CERCAM: variants seen among roughly 807,000 people sequenced by gnomAD.
CERCAM encodes the protein cerebral endothelial cell adhesion molecule.
A neutral mutation model predicts 66.0 loss-of-function variants in CERCAM; 59 were observed. The ratio of observed to expected loss-of-function variants is 0.89; its 90% confidence interval spans 0.73 to 1.11. CERCAM has a LOEUF of 1.11. Among genes scored for constraint, CERCAM ranks in the 50% most tolerant of loss-of-function variants. The pLI is 0.00. For synonymous variants in CERCAM, 318 were observed against 343.6 expected (o/e 0.93, Z 0.83); for missense variants, 840 against 828.3 (o/e 1.01, Z -0.17).
rs1834105785 is a variant in CERCAM, at chr9:128,436,021, C to T, written c.*116C>T. 5.3e-6 allele frequency: 6 copies of T among 1,128,398 alleles called. No individual in the cohort carries two copies. In the South Asian group the frequency reaches 9.7e-5, roughly 18 times the overall value. The allele number at this position is 1,128,398 out of a possible 1,614,324, so 69.9% of individuals were successfully genotyped here. A position where few individuals can be genotyped will look rare whatever the true frequency, so the allele number is the denominator to read the frequency against. Reference sequence around the variant, plus strand: ...CTTCTCAGCCTTCTCTCTCCCTCTCCATCTCTAGCTTTGCCTTTATGTTTG... The same window carrying T: ...CTTCTCAGCCTTCTCTCTCCCTCTCTATCTCTAGCTTTGCCTTTATGTTTG... On this transcript the variant is annotated intron_variant, in intron 12 of 12. Transcript: ENST00000372838.
At position 128,435,737 on chromosome 9, in the gene CERCAM, C is replaced by G; in HGVS notation, c.1620C>G (p.Ala540=). Residue 540 remains alanine, a synonymous_variant, in exon 12 of 13, where the codon GCC becomes GCG. Transcript: ENST00000372838. The part of the protein sequence containing the change: ...QPLLAAPTHY[A]GDAEWLSDTE... ...TGCTCGCTGCCCCTACCCACTATGCCGGGGACGCCGAGTGGCTCAGTGACA... is the reference window on the plus strand; with the variant it reads ...TGCTCGCTGCCCCTACCCACTATGCGGGGGACGCCGAGTGGCTCAGTGACA... The G allele has an allele frequency of 6.2e-7, 1 of 1,613,520 alleles. No individual in the cohort carries two copies. Among genetic ancestry groups the G allele is most frequent in the African/African-American group, 1.3e-5 (1 of 75,046 alleles).
intron 2 of CERCAM, 53 bp from the exon 3 acceptor site, chr9:128,423,093 C>A: frequency 7.4e-7 from 1 of 1,356,650 alleles, no homozygotes; most frequent in South Asian, 1.3e-5. Flanking sequence ...CACTGCCCTG[C>A]AGAGAGGGAG....
intron 11 of CERCAM, among the ~76,000 whole-genome samples, chr9:128,435,072 C>A (rs1834076991): frequency 6.6e-6 from 1 of 152,206 alleles, no homozygotes; most frequent in Non-Finnish European, 1.5e-5. Context: ...TGGCTCACTG[C>A]AACCTCCGCC....
intron 9 of CERCAM, 163 bp downstream of exon 9, chr9:128,431,466 G>A (rs1833975370): frequency 1.2e-6 from 1 of 816,196 alleles, no homozygotes; most frequent in East Asian, 2.7e-5. Context: ...GCACCACTAA[G>A]CGGTGCTTGT....
chr9:128,423,838 G>C (rs753749036), intron 3 of CERCAM, among the ~76,000 whole-genome samples: 7 of 152,138 alleles, frequency 4.6e-5, no homozygotes, highest in Non-Finnish European at 7.3e-5. Context: ...GGTATAAATT[G>C]AGCCTGGATC....
At chr9:128,424,653 C>G (rs545898121) in intron 5 of CERCAM, 39 bp downstream of exon 5, 1 of 1,580,218 alleles carries the variant, frequency 6.3e-7, no homozygotes, top group African/African-American at 1.3e-5. Flanking sequence ...TTGGAGGCCT[C>G]TGCACATTTG....
At position 128,428,446 on chromosome 9, in the gene CERCAM, C is replaced by T. The variant is rs1217472049; in HGVS notation, c.886+25C>T. 5.0e-6 allele frequency: 8 copies of T among 1,612,260 alleles called. No individual in the cohort carries two copies. The South Asian group carries it at 6.6e-5, about 13-fold the overall frequency. On this transcript the variant is annotated intron_variant, in intron 6 of 12. Coordinates refer to ENST00000372838, the MANE Select transcript of CERCAM (RefSeq NM_016174.5). ...GGTGAGGGCTGGGGAACTGTTCCAC[C>T]CACCTGCTGCCGGGGCTCCCTGCCT...
At chr9:128,431,367 A>C in intron 9 of CERCAM, 64 bp downstream of exon 9, 1 of 1,595,676 alleles carries the variant, frequency 6.3e-7, no homozygotes, top group Non-Finnish European at 8.6e-7. Context: ...TGTTCTATTC[A>C]CTGCTCTGTG....
chr9:128,422,301 C>G (rs915002154), intron 1 of CERCAM: 1 of 152,788 alleles, frequency 6.5e-6, no homozygotes, highest in Non-Finnish European at 1.5e-5. Flanking sequence ...GGTGTGGTGG[C>G]TCACGCCTGT....
Position 128,434,328 on chromosome 9 carries a change from T to C in CERCAM, c.1332-82T>C. The C allele has an allele frequency of 6.2e-7, 1 of 1,602,854 alleles. No homozygotes were observed. The stretch of plus-strand genomic sequence containing the variant: ...CTGGCCGGCCCATCCCCTGAGAGCC[T>C]GGCCCTGTAGGAGCGGGTGTGGGAG... On this transcript the variant is annotated intron_variant, in intron 10 of 12. Transcript: ENST00000372838. The surrounding 1 kb of genome is among the most constrained non-coding windows in gnomAD (Gnocchi z 4.5).
At chr9:128,431,648 G>A in intron 9 of CERCAM, 1 of 220,602 alleles carries the variant, frequency 4.5e-6, no homozygotes, top group Non-Finnish European at 9.0e-6. Flanking sequence ...AGCTTGCAGT[G>A]GAGGGGAGAG....
chr9:128,432,120 G>C (rs376208954), intron 9 of CERCAM: 29 of 152,330 alleles, frequency 1.9e-4, no homozygotes, highest in African/African-American at 6.7e-4. Context: ...CTGCCTCCTG[G>C]GTTGAAGCGG....
rs566911694 is a variant in CERCAM, at chr9:128,422,894, A to C, written c.224A>C (p.Asn75Thr). 30 of 1,613,988 alleles carry C rather than the reference A, an allele frequency of 1.9e-5. No homozygotes were observed. The highest frequency in any genetic ancestry group is 3.3e-5 in the South Asian group (3 of 91,088). Residue 75 changes from asparagine to threonine, a missense_variant, in exon 2 of 13, where the codon AAC (asparagine) becomes ACC (threonine). By Grantham distance (65) the Asn-to-Thr change is moderately conservative. Transcript: ENST00000372838. ...TGTGCCACGGACCACAATGTGGACAACACCACAGAGATGCTGCAGGAGTGG... is the reference window on the plus strand; with the variant it reads ...TGTGCCACGGACCACAATGTGGACACCACCACAGAGATGCTGCAGGAGTGG... ...LWCATDHNVD[N>T]TTEMLQEWLA...
At position 128,428,429 on chromosome 9, in the gene CERCAM, C is replaced by T. The variant is rs1476924979; in HGVS notation, c.886+8C>T. 1 of 1,613,758 alleles carries T rather than the reference C, an allele frequency of 6.2e-7. No individual in the cohort carries two copies. The highest frequency in any genetic ancestry group is 8.5e-7 in the Non-Finnish European group (1 of 1,179,790). ...TGATCTTAGAAGCACTAGGTGAGGG[C>T]TGGGGAACTGTTCCACCCACCTGCT... On this transcript the variant is annotated splice_region_variant and intron_variant, in intron 6 of 12. Transcript: ENST00000372838.
rs893575958 is a variant in CERCAM, at chr9:128,423,354, C to T, written c.426+91C>T. ...GGTATAGGCTGGGTGCAGTGGCTCA[C>T]GCCTATAATCCTAGCACTTTGGGAG... On this transcript the variant is annotated intron_variant, in intron 3 of 12. Transcript: ENST00000372838. 113 of 1,053,142 alleles carry T rather than the reference C, an allele frequency of 1.1e-4. 1 individual carries two copies. The highest frequency in any genetic ancestry group is 1.5e-4 in the Non-Finnish European group (103 of 704,800). 65.2% of individuals were successfully genotyped at this position (1,053,142 alleles called of 1,614,324 possible). A position where few individuals can be genotyped will look rare whatever the true frequency, so the allele number is the denominator to read the frequency against.
Position 128,424,603 on chromosome 9 carries a change from G to A in CERCAM, c.755G>A (p.Cys252Tyr). 1 of 1,613,958 alleles carries A rather than the reference G, an allele frequency of 6.2e-7. No individual in the cohort carries two copies. The highest frequency in any genetic ancestry group is 8.5e-7 in the Non-Finnish European group (1 of 1,179,962). Residue 252 changes from cysteine to tyrosine, a missense_variant, in exon 5 of 13, where the codon TGC (cysteine) becomes TAC (tyrosine). Physicochemically the swap from Cys to Tyr is radical, Grantham distance 194. Coordinates refer to ENST00000372838, the MANE Select transcript of CERCAM (RefSeq NM_016174.5). ...GACATCATCGTCTTCGCCTATGCCT[G>A]CCAGGCTGCTGGTGAGGACCAGCCC... ...FDDIIVFAYA[C>Y]QAAGVSVHVC...
chr9:128,422,996 A>G lies in CERCAM; in HGVS notation c.308+18A>G, dbSNP rs558600945. On this transcript the variant is annotated intron_variant, in intron 2 of 12. Coordinates refer to ENST00000372838, the MANE Select transcript of CERCAM (RefSeq NM_016174.5). ...GAGCCCAGGTGGTGATCTGAGGGGA[A>G]GGGTGCTGGGGAAGATGGAGAACAG... 3 of 1,613,612 alleles carry G rather than the reference A, an allele frequency of 1.9e-6. No homozygotes were observed. The highest frequency in any genetic ancestry group is 2.2e-5 in the East Asian group (1 of 44,884).
At chr9:128,424,798 C>G (rs1159046477) in intron 5 of CERCAM, among the ~76,000 whole-genome samples, 184 bp downstream of exon 5, 1 of 149,528 alleles carries the variant, frequency 6.7e-6, no homozygotes. Context: ...TCTCGGCTCA[C>G]TGCAAACTCT....
At position 128,420,925 on chromosome 9, in the gene CERCAM, G is replaced by A. The variant is rs936684144; in HGVS notation, c.48G>A (p.Leu16=). 11 of 1,429,240 alleles carry A rather than the reference G, an allele frequency of 7.7e-6. No homozygotes were observed. The South Asian group carries it at 1.4e-4, about 18-fold the overall frequency. The allele number at this position is 1,429,240 out of a possible 1,614,324, so 88.5% of individuals were successfully genotyped here. The part of the protein sequence containing the change: ...AAPLLQLLLL[L]GPWLEAAGVA... The stretch of plus-strand genomic sequence containing the variant: ...CGCTGCTCCAGCTGCTGCTCCTGCT[G>A]GGGCCGTGGCTGGAGGCTGCGGGCG... The change falls in exon 1 of 13, where the codon CTG becomes CTA. Residue 16 remains leucine (L), a synonymous_variant. Transcript: ENST00000372838. The surrounding 1 kb of genome is among the most constrained non-coding windows in gnomAD (Gnocchi z 5.0).
Sources: gnomAD v4.1 joint callset for allele counts (sites outside exome capture counted in the v4.1 genomes callset) on GRCh38, gnomAD v4.1.1 for gene constraint, Gnocchi (gnomAD v3.1) non-coding constraint, MANE v1.5 for transcripts, NCBI Gene and HGNC (gene_info 2026-07-23, HGNC 2026-07-21) for gene names.